The following ADARB2 variants were observed in gnomAD, a reference collection of about 807,000 sequenced individuals.
ADARB2 encodes the protein adenosine deaminase RNA specific B2 (inactive).
In ADARB2, 25 loss-of-function variants were observed where a neutral mutation model predicts 62.2. The observed-to-expected ratio is 0.40, with a 90% CI of 0.29 to 0.56. The LOEUF is 0.56. Ranked by LOEUF, ADARB2 falls within the 20% of genes least tolerant of loss-of-function variation. The pLI is 0.43. For missense variants in ADARB2, 1,071 were observed against 1,077.4 expected (o/e 0.99, Z 0.08); for synonymous variants, 572 against 500.8 (o/e 1.14, Z -1.90).
intron 2 of ADARB2, among the ~76,000 whole-genome samples, chr10:1,371,182 A>G (rs547468007): frequency 2.0e-5 from 3 of 152,352 alleles, no homozygotes; most frequent in Middle Eastern, 3.4e-3. Flanking sequence ...TGACAAAAAT[A>G]AACAATGGGG....
chr10:1,482,602 G>C (rs969318386), intron 1 of ADARB2, among the ~76,000 whole-genome samples: 2 of 152,148 alleles, frequency 1.3e-5, no homozygotes, highest in African/African-American at 4.8e-5. Flanking sequence ...GTGAGGTGTT[G>C]GCACAACACT....
At chr10:1,395,282 A>C (rs891717495) in intron 1 of ADARB2, among the ~76,000 whole-genome samples, 1 of 152,170 alleles carries the variant, frequency 6.6e-6, no homozygotes, top group Non-Finnish European at 1.5e-5. Flanking sequence ...AGCCTAATGC[A>C]CAAGTCAGGC....
chr10:1,510,145 T>TTTCTTTCTTTCTTTCC (rs1564312611), intron 1 of ADARB2, among the ~76,000 whole-genome samples: 1 of 146,592 alleles, frequency 6.8e-6, no homozygotes, highest in Non-Finnish European at 1.5e-5. Flanking sequence ...TCTTTCTTTC[T>TTTCTTTCTTTCTTTCC]TTCTTTCTTT....
intron 1 of ADARB2, chr10:1,678,033 A>C (rs1182887152): frequency 8.7e-6 from 3 of 346,382 alleles, no homozygotes; most frequent in Non-Finnish European, 1.2e-5. Flanking sequence ...CATCCAGGAG[A>C]CACCAAGGGA....
At chr10:1,220,035 GATGGTA>G (rs1489942885) in intron 6 of ADARB2, among the ~76,000 whole-genome samples, 4 of 143,690 alleles carry the variant, frequency 2.8e-5, no homozygotes, top group East Asian at 4.1e-4. Flanking sequence ...TGGTGGTGAT[GATGGTA>G]ATGGTGATGG....
At chr10:1,589,528 G>A (rs926933530) in intron 1 of ADARB2, among the ~76,000 whole-genome samples, 10 of 152,140 alleles carry the variant, frequency 6.6e-5, no homozygotes, top group African/African-American at 2.2e-4. Flanking sequence ...TGGTCCAGGC[G>A]TCCACAGTCT....
intron 1 of ADARB2, among the ~76,000 whole-genome samples, chr10:1,625,021 C>T (rs1345511414): frequency 1.3e-5 from 2 of 152,188 alleles, no homozygotes; most frequent in African/African-American, 4.8e-5. Context: ...CAGGTTTCTC[C>T]TACTGTTGTG....
chr10:1,705,028 G>C (rs1413984174), intron 1 of ADARB2, among the ~76,000 whole-genome samples: 1 of 152,062 alleles, frequency 6.6e-6, no homozygotes, highest in Non-Finnish European at 1.5e-5. Context: ...TTCAATATGT[G>C]TGAAAAAAAT....
intron 1 of ADARB2, among the ~76,000 whole-genome samples, chr10:1,521,304 A>G (rs571285931): frequency 7.2e-5 from 11 of 152,298 alleles, no homozygotes; most frequent in East Asian, 1.9e-4. Flanking sequence ...TTGAAGCCCA[A>G]TGGACTCAGG....
chr10:1,352,980 T>C (rs537541339), intron 3 of ADARB2, among the ~76,000 whole-genome samples: 1 of 152,298 alleles, frequency 6.6e-6, no homozygotes, highest in South Asian at 2.1e-4. Flanking sequence ...GGCTATACTA[T>C]AGTACAAGCC....
chr10:1,440,208 T>C (rs920874044), intron 1 of ADARB2, among the ~76,000 whole-genome samples: 4 of 152,126 alleles, frequency 2.6e-5, no homozygotes, highest in South Asian at 4.2e-4. Flanking sequence ...GGCCCTTCAC[T>C]ATGGGTCTCC....
intron 1 of ADARB2, among the ~76,000 whole-genome samples, chr10:1,729,351 C>A (rs1323666241): frequency 6.6e-6 from 1 of 152,170 alleles, no homozygotes; most frequent in Non-Finnish European, 1.5e-5. Context: ...TGTCCTCAGT[C>A]CTGAACACAG....
At chr10:1,307,021 G>T (rs1417929764) in intron 3 of ADARB2, among the ~76,000 whole-genome samples, 3 of 113,824 alleles carry the variant, frequency 2.6e-5, no homozygotes, top group African/African-American at 8.4e-5. Context: ...CATAGGCATG[G>T]GCAAGGACTT....
At chr10:1,333,201 T>C (rs1246073016) in intron 3 of ADARB2, among the ~76,000 whole-genome samples, 1 of 152,244 alleles carries the variant, frequency 6.6e-6, no homozygotes, top group African/African-American at 2.4e-5. Flanking sequence ...CTGGTTTTGA[T>C]TAACTTTGAT....
At chr10:1,549,035 A>G (rs1020544313) in intron 1 of ADARB2, among the ~76,000 whole-genome samples, 3 of 152,144 alleles carry the variant, frequency 2.0e-5, no homozygotes, top group African/African-American at 7.2e-5. Context: ...ACAAGATGCT[A>G]AAAGAGAGGG....
intron 1 of ADARB2, among the ~76,000 whole-genome samples, chr10:1,539,166 C>T (rs1347139300): frequency 6.6e-6 from 1 of 152,252 alleles, no homozygotes; most frequent in Non-Finnish European, 1.5e-5. Flanking sequence ...GGGTTCAAAG[C>T]CGGCCTTAGG....
chr10:1,298,734 T>G (rs973358914), intron 3 of ADARB2, among the ~76,000 whole-genome samples: 4 of 12,430 alleles, frequency 3.2e-4, no homozygotes, highest in Admixed American at 1.1e-3. Flanking sequence ...TTTTTTTTTT[T>G]TTTTTTTTTT....
chr10:1,242,344 G>C, intron 4 of ADARB2, 45 bp from the exon 5 acceptor site: 2 of 1,502,768 alleles, frequency 1.3e-6, no homozygotes, highest in South Asian at 2.4e-5. Context: ...CACGGCCCCC[G>C]TCTCCCTCCT....
chr10:1,614,243 T>C (rs557995005), intron 1 of ADARB2, among the ~76,000 whole-genome samples: 16 of 152,214 alleles, frequency 1.1e-4, no homozygotes, highest in Non-Finnish European at 2.1e-4. Context: ...AAAAAATTGA[T>C]TACATTAACA....
Sources: allele counts gnomAD v4.1 joint callset (sites outside exome capture counted in the v4.1 genomes callset), GRCh38; gene constraint gnomAD v4.1.1; transcripts MANE v1.5; gene names NCBI Gene and HGNC (gene_info 2026-07-23, HGNC 2026-07-21).